Variants in RNF144B observed in about 807,000 individuals in gnomAD.
The protein encoded by RNF144B is ring finger protein 144B.
Under a neutral mutation model 40.2 loss-of-function variants are expected in RNF144B, and 25 were observed. The ratio of observed to expected loss-of-function variants is 0.62; its 90% CI spans 0.45 to 0.87. The LOEUF is 0.87. RNF144B is among the 40% of genes least tolerant of loss of function. The pLI, the probability that RNF144B is intolerant of heterozygous loss-of-function variation, is 0.00. For missense variants in RNF144B, 365 were observed against 373.7 expected (o/e 0.98, Z 0.19); for synonymous variants, 145 against 136.3 (o/e 1.06, Z -0.44).
chr6:18,429,280 T>TTGTGTGTGTGTGCAGACACACATGTAGA, intron 3 of RNF144B, among the ~76,000 whole-genome samples: 1 of 151,790 alleles, frequency 6.6e-6, no homozygotes, highest in East Asian at 1.9e-4. Context: ...GAAGCTCAAT[T>TTGTGTGTGTGTGCAGACACACATGTAGA]TGTGTGTGTG....
At position 18,446,816 on chromosome 6, in the gene RNF144B, A is replaced by T. The variant is rs1340720983; in HGVS notation, c.331+7072A>T. 6.7e-6 allele frequency among the ~76,000 whole-genome samples: 1 copy of T among 149,998 alleles called. No individual in the cohort carries two copies. The highest frequency in any genetic ancestry group is 2.5e-5 in the African/African-American group (1 of 40,242). On this transcript the variant is annotated intron_variant, in intron 4 of 7. Transcript: ENST00000259939. This position sits in a 1 kb window ranked among gnomAD's most constrained non-coding sequence, Gnocchi z 4.7. Reference sequence around the variant, plus strand: ...CTCAACATCTAATGCATCATTCATTAAAGTTTTATTGGTTCTATTTTAGGG... The same window carrying T: ...CTCAACATCTAATGCATCATTCATTTAAGTTTTATTGGTTCTATTTTAGGG...
In RNF144B at chr6:18,442,111, A is replaced by G. The variant is rs1422081411; in HGVS notation, c.331+2367A>G. On this transcript the variant is annotated intron_variant, in intron 4 of 7. Coordinates refer to ENST00000259939, the MANE Select transcript of RNF144B (RefSeq NM_182757.4). This position sits in a 1 kb window ranked among gnomAD's most constrained non-coding sequence, Gnocchi z 4.3. ...GTTATGTGGGGCAAGGTAGATGTGG[A>G]AAATCATTGGCTAAGATTTCCACTC... Among the ~76,000 whole-genome samples, 3 of 152,014 alleles carry G rather than the reference A, an allele frequency of 2.0e-5. No homozygotes were observed. The highest frequency in any genetic ancestry group is 4.4e-5 in the Non-Finnish European group (3 of 67,984).
rs1257186590 is a variant in RNF144B at position 18,444,576 on chromosome 6, T to C, written c.331+4832T>C. Among the ~76,000 whole-genome samples the C allele has an allele frequency of 1.3e-5, 2 of 152,166 alleles. No individual in the cohort carries two copies. The highest frequency in any genetic ancestry group is 4.8e-5 in the African/African-American group (2 of 41,436). ...ACTGCAAGTTGCTTCCGTTCCTTGCTAGGTTGATGTATCTGTTCTTGAATA... is the reference window on the plus strand; with the variant it reads ...ACTGCAAGTTGCTTCCGTTCCTTGCCAGGTTGATGTATCTGTTCTTGAATA... On this transcript the variant is annotated intron_variant, in intron 4 of 7. Coordinates refer to ENST00000259939, the MANE Select transcript of RNF144B (RefSeq NM_182757.4). The surrounding 1 kb of genome is among the most constrained non-coding windows in gnomAD (Gnocchi z 4.3).
Position 18,392,509 on chromosome 6 carries a change from C to T in RNF144B, c.-37+4879C>T, listed in dbSNP as rs1344925244. 2.6e-5 allele frequency among the ~76,000 whole-genome samples: 4 copies of T among 152,066 alleles called. No individual in the cohort carries two copies. In the South Asian group the frequency reaches 8.3e-4, roughly 32 times the overall value. ...GGTTAATAGGGCTATATTTGCATAT[C>T]AGTTCCATTTTTAGAAGGTTAATAG... On this transcript the variant is annotated intron_variant, in intron 1 of 7. Transcript: ENST00000259939.
Position 18,456,071 on chromosome 6 carries a change from C to T in RNF144B, c.332-1084C>T, listed in dbSNP as rs935301143. ...CCAAGTAGCTGGGACTACAGGCACC[C>T]GCCACCATGCCCGGCTAATTTTTTG... On this transcript the variant is annotated intron_variant, in intron 4 of 7. Transcript: ENST00000259939. The surrounding 1 kb of genome is among the most constrained non-coding windows in gnomAD (Gnocchi z 4.7). Among the ~76,000 whole-genome samples the T allele has an allele frequency of 7.2e-5, 11 of 152,080 alleles. No homozygotes were observed. The highest frequency in any genetic ancestry group is 2.1e-4 in the South Asian group (1 of 4,824).
rs1454838725 is a variant in RNF144B, at chr6:18,419,559, T to C, written c.166-8022T>C. On this transcript the variant is annotated intron_variant, in intron 2 of 7. Transcript: ENST00000259939. This position sits in a 1 kb window ranked among gnomAD's most constrained non-coding sequence, Gnocchi z 4.6. ...AGGAAGAATGAAAACCAGAAGAGTA[T>C]GGGATCCAGAAGACAAGGGGAAAAA... 6.6e-6 allele frequency among the ~76,000 whole-genome samples: 1 copy of C among 152,004 alleles called. No homozygotes were observed. The highest frequency in any genetic ancestry group is 2.4e-5 in the African/African-American group (1 of 41,364).
chr6:18,429,516 TA>T (rs1432809730), intron 3 of RNF144B, among the ~76,000 whole-genome samples: 1 of 152,178 alleles, frequency 6.6e-6, no homozygotes, highest in Admixed American at 6.5e-5. Context: ...TAGGGAAGTA[TA>T]AAAGGAATAT....
rs539062932 is a variant in RNF144B, at chr6:18,460,688, T to G, written c.681+937T>G. 2.6e-5 allele frequency among the ~76,000 whole-genome samples: 4 copies of G among 152,190 alleles called. No homozygotes were observed. Among genetic ancestry groups the G allele is most frequent in the African/African-American group, 9.7e-5 (4 of 41,446 alleles). ...TCGCTACTGTTTTGACAGTGTTCCC[T>G]TCCCAGATCAAGGGGCTTGGCTTAA... On this transcript the variant is annotated intron_variant, in intron 6 of 7. Coordinates refer to ENST00000259939, the MANE Select transcript of RNF144B (RefSeq NM_182757.4). This position sits in a 1 kb window ranked among gnomAD's most constrained non-coding sequence, Gnocchi z 4.4.
chr6:18,427,663 A>G lies in RNF144B; in HGVS notation c.248A>G (p.His83Arg). The change falls in exon 3 of 8, where the codon CAC becomes CGC. Residue 83 changes from histidine to arginine, a missense_variant. Transcript: ENST00000259939. ...ITCPDMVCLN[H>R]GTLQEAEIAC... ...TGCCCTGACATGGTGTGCCTAAACC[A>G]CGGGACCCTGCAGGAAGCTGAGGTA... 2 of 1,612,576 alleles carry G rather than the reference A, an allele frequency of 1.2e-6. No homozygotes were observed. Among genetic ancestry groups the G allele is most frequent in the East Asian group, 2.2e-5 (1 of 44,860 alleles).
At chr6:18,407,179 G>T (rs1794927801) in intron 2 of RNF144B, among the ~76,000 whole-genome samples, 1 of 152,096 alleles carries the variant, frequency 6.6e-6, no homozygotes, top group Non-Finnish European at 1.5e-5. Context: ...CAGAAATGAG[G>T]CATATAGGAG....
At position 18,387,690 on chromosome 6, in the gene RNF144B, G is replaced by T. The variant is rs1189374225; in HGVS notation, c.-37+60G>T. 4.0e-6 allele frequency: 5 copies of T among 1,250,254 alleles called. No individual in the cohort carries two copies. In the East Asian group the frequency reaches 2.9e-4, roughly 73 times the overall value. 77.4% of individuals were successfully genotyped at this position (1,250,254 alleles called of 1,614,324 possible). On this transcript the variant is annotated intron_variant, in intron 1 of 7. Transcript: ENST00000259939. ...TTGCAAGACCGGAATGGTGTTGCTGGACTAAGGAAAAAGGACAGGAAACTC... is the reference window on the plus strand; with the variant it reads ...TTGCAAGACCGGAATGGTGTTGCTGTACTAAGGAAAAAGGACAGGAAACTC...
In RNF144B at chr6:18,416,080, G is replaced by GA. The variant is rs1795144276; in HGVS notation, c.166-11498dup. 6.6e-6 allele frequency among the ~76,000 whole-genome samples: 1 copy of GA among 152,160 alleles called. No individual in the cohort carries two copies. The highest frequency in any genetic ancestry group is 1.5e-5 in the Non-Finnish European group (1 of 68,034). On this transcript the variant is annotated intron_variant, in intron 2 of 7. Transcript: ENST00000259939. The surrounding 1 kb of genome is among the most constrained non-coding windows in gnomAD (Gnocchi z 5.5). ...TTCTGAAGGCTAATGTTTCTTTGGA[G>GA]AAAGTAGAAGGATGTAAACTTGGCA... is the stretch of plus-strand genomic sequence containing the variant.
Position 18,400,788 on chromosome 6 carries a change from T to C in RNF144B, c.165+1089T>C, listed in dbSNP as rs991677689. Among the ~76,000 whole-genome samples, 1 of 152,224 alleles carries C rather than the reference T, an allele frequency of 6.6e-6. No homozygotes were observed. Among genetic ancestry groups the C allele is most frequent in the Non-Finnish European group, 1.5e-5 (1 of 68,032 alleles). The stretch of plus-strand genomic sequence containing the variant: ...GAAGTTTCTTGCTTTTAGGAGCTTA[T>C]ATTCTATATAAGAACGTTGTGTAGG... On this transcript the variant is annotated intron_variant, in intron 2 of 7. Transcript: ENST00000259939. The surrounding 1 kb of genome is among the most constrained non-coding windows in gnomAD (Gnocchi z 5.6).
At position 18,414,598 on chromosome 6, in the gene RNF144B, G is replaced by A. The variant is rs370280454; in HGVS notation, c.166-12983G>A. ...AAAATGTTTTAATTTGTATAGATAC[G>A]TAGTAGGTATATATATGATTAGTTT... On this transcript the variant is annotated intron_variant, in intron 2 of 7. Transcript: ENST00000259939. The surrounding 1 kb of genome is among the most constrained non-coding windows in gnomAD (Gnocchi z 4.9). Among the ~76,000 whole-genome samples the A allele has an allele frequency of 2.2e-4, 34 of 152,126 alleles. 1 individual carries two copies. Among genetic ancestry groups the A allele is most frequent in the East Asian group, 7.7e-4 (4 of 5,186 alleles).
chr6:18,453,725 G>C (rs1432698983), intron 4 of RNF144B, among the ~76,000 whole-genome samples: 1 of 152,152 alleles, frequency 6.6e-6, no homozygotes, highest in African/African-American at 2.4e-5. Context: ...CTCACATTTA[G>C]AATGATAAAA....
intron 2 of RNF144B, among the ~76,000 whole-genome samples, chr6:18,411,542 C>T (rs1393896039): frequency 1.8e-4 from 20 of 111,948 alleles, no homozygotes; most frequent in African/African-American, 6.7e-4. Context: ...TGTGCCCTGT[C>T]GCTCAGGGTG....
intron 1 of RNF144B, among the ~76,000 whole-genome samples, chr6:18,392,811 A>G (rs956168706): frequency 6.6e-6 from 1 of 152,092 alleles, no homozygotes; most frequent in African/African-American, 2.4e-5. Flanking sequence ...TTTCTAATCT[A>G]TTTCATTTTT....
At chr6:18,411,093 T>C (rs1214199305) in intron 2 of RNF144B, among the ~76,000 whole-genome samples, 2 of 151,880 alleles carry the variant, frequency 1.3e-5, no homozygotes, top group African/African-American at 4.8e-5. Flanking sequence ...CAAGCAGTTC[T>C]CCTACCTCAG....
chr6:18,445,371 G>T (rs955777215), intron 4 of RNF144B, among the ~76,000 whole-genome samples: 2 of 152,198 alleles, frequency 1.3e-5, no homozygotes, highest in African/African-American at 4.8e-5. Flanking sequence ...AAGGTCAGAT[G>T]TGGTCTTTAG....
Sources: allele counts gnomAD v4.1 joint callset (sites outside exome capture counted in the v4.1 genomes callset), GRCh38; gene constraint gnomAD v4.1.1; non-coding constraint Gnocchi (gnomAD v3.1); transcripts MANE v1.5; gene names NCBI Gene and HGNC (gene_info 2026-07-23, HGNC 2026-07-21).